The following VLDLR variants were observed in gnomAD, a reference collection of about 807,000 sequenced individuals.
VLDLR encodes very low-density lipoprotein receptor.
A neutral mutation model predicts 112.7 loss-of-function variants in VLDLR; 81 were observed. The observed-to-expected ratio is 0.72, with a 90% CI of 0.60 to 0.86. The LOEUF (loss-of-function observed/expected upper bound fraction) is 0.86. Ranked by LOEUF, VLDLR falls within the 40% of genes least tolerant of loss-of-function variation. VLDLR has a pLI of 0.00. For missense variants in VLDLR, 1,237 were observed against 1,099.4 expected (o/e 1.13, Z -1.77); for synonymous variants, 436 against 384.8 (o/e 1.13, Z -1.56).
chr9:2,639,839 C>T lies in VLDLR; in HGVS notation c.203-20C>T. 3 of 1,614,048 alleles carry T rather than the reference C, an allele frequency of 1.9e-6. No homozygotes were observed. Among genetic ancestry groups the T allele is most frequent in the Non-Finnish European group, 2.5e-6 (3 of 1,179,982 alleles). ...TGGGTAAATGACTTCAACTTTAACC[C>T]TTCAAATAAACGTTTGTAGTAAAGA... On this transcript the variant is annotated intron_variant, in intron 2 of 18. Transcript: ENST00000382100.
intron 16 of VLDLR, 150 bp downstream of exon 16, chr9:2,651,648 T>A (rs1397378741): frequency 2.2e-6 from 2 of 902,726 alleles, no homozygotes; most frequent in African/African-American, 1.7e-5. Context: ...AACTTGCATA[T>A]CTTTTCCTGA....
chr9:2,653,960 CCTCT>C lies in VLDLR; in HGVS notation c.*94_*97del. 1 of 1,365,674 alleles carries C rather than the reference CCTCT, an allele frequency of 7.3e-7. No individual in the cohort carries two copies. Among genetic ancestry groups the C allele is most frequent in the Non-Finnish European group, 1.0e-6 (1 of 955,916 alleles). The allele number at this position is 1,365,674 out of a possible 1,614,324, so 84.6% of individuals were successfully genotyped here. ...CCAGCAGCTGAAGTCTCTTTTTCTT[CCTCT>C]CGGCTGGAAGAACATCAAGATACCT... On this transcript the variant is annotated 3_prime_UTR_variant, in exon 19 of 19. Transcript: ENST00000382100.
intron 7 of VLDLR, among the ~76,000 whole-genome samples, chr9:2,644,308 A>ATG (rs1226423965): frequency 6.9e-6 from 1 of 144,960 alleles, no homozygotes; most frequent in Non-Finnish European, 1.5e-5. Flanking sequence ...ATAGGCGCCC[A>ATG]CCACCACGCC....
At chr9:2,629,061 A>T (rs1161659174) in intron 1 of VLDLR, among the ~76,000 whole-genome samples, 1 of 152,242 alleles carries the variant, frequency 6.6e-6, no homozygotes, top group East Asian at 1.9e-4. Context: ...CATTAATTCA[A>T]TGTTAATTGA....
intron 17 of VLDLR, among the ~76,000 whole-genome samples, chr9:2,652,340 G>C (rs1818388324): frequency 6.6e-6 from 1 of 152,206 alleles, no homozygotes; most frequent in Non-Finnish European, 1.5e-5. Context: ...AGGACTTGTT[G>C]AGGATAAATT....
At chr9:2,641,705 C>G (rs1196945722) in intron 4 of VLDLR, among the ~76,000 whole-genome samples, 2 of 152,114 alleles carry the variant, frequency 1.3e-5, no homozygotes, top group Non-Finnish European at 2.9e-5. Context: ...CTTGGTGTTT[C>G]TTTTAGGCAA....
chr9:2,659,195 T>A lies in VLDLR; in HGVS notation c.*5327T>A, dbSNP rs10812407. The stretch of plus-strand genomic sequence containing the variant: ...ATCTCCATTTTACATAGGTAAAAAC[T>A]GAGGCTACAAACAATCTATGGTTCC... On this transcript the variant is annotated 3_prime_UTR_variant, in exon 19 of 19. Coordinates refer to ENST00000382100, the MANE Select transcript of VLDLR (RefSeq NM_003383.5). 1 of 152,028 alleles carries A rather than the reference T, an allele frequency of 6.6e-6. No individual in the cohort carries two copies. Among genetic ancestry groups the A allele is most frequent in the Non-Finnish European group, 1.5e-5 (1 of 68,004 alleles). The allele number at this position is 152,028 out of a possible 1,614,324, so 9.4% of individuals were successfully genotyped here. A position where few individuals can be genotyped will look rare whatever the true frequency, so the allele number is the denominator to read the frequency against.
intron 10 of VLDLR, among the ~76,000 whole-genome samples, chr9:2,645,973 T>A (rs1402227398): frequency 6.6e-6 from 1 of 152,162 alleles, no homozygotes; most frequent in Non-Finnish European, 1.5e-5. Flanking sequence ...ATTTTTTATA[T>A]TTTCTCCCTT....
At chr9:2,640,730 TAGAA>T (rs775786249) in intron 3 of VLDLR, among the ~76,000 whole-genome samples, 7 of 152,062 alleles carry the variant, frequency 4.6e-5, no homozygotes, top group Admixed American at 6.5e-5. Flanking sequence ...GAAAATCAAA[TAGAA>T]AGGAAGATAA....
intron 14 of VLDLR, among the ~76,000 whole-genome samples, chr9:2,649,625 A>G (rs995108403): frequency 2.0e-5 from 3 of 152,098 alleles, no homozygotes; most frequent in Non-Finnish European, 4.4e-5. Flanking sequence ...CTCCTGACCC[A>G]AAGTAATCTG....
chr9:2,646,304 T>C, intron 10 of VLDLR, 30 bp from the exon 11 acceptor site: 1 of 1,610,712 alleles, frequency 6.2e-7, no homozygotes, highest in Non-Finnish European at 8.5e-7. Context: ...TGTCAAACTC[T>C]TAAATTTCTT....
chr9:2,632,745 G>A (rs1817412061), intron 1 of VLDLR, among the ~76,000 whole-genome samples: 1 of 152,046 alleles, frequency 6.6e-6, no homozygotes, highest in Non-Finnish European at 1.5e-5. Flanking sequence ...TAAGGGCTGG[G>A]CATTCGATTT....
At chr9:2,633,023 T>C (rs1397189226) in intron 1 of VLDLR, among the ~76,000 whole-genome samples, 2 of 144,324 alleles carry the variant, frequency 1.4e-5, no homozygotes, top group East Asian at 4.0e-4. Flanking sequence ...CTGTTGCTAC[T>C]CCTTATTGGA....
In VLDLR at chr9:2,646,463, A is replaced by G. The variant is rs1228433230; in HGVS notation, c.1614A>G (p.Ser538=). 2 of 1,614,146 alleles carry G rather than the reference A, an allele frequency of 1.2e-6. No homozygotes were observed. The highest frequency in any genetic ancestry group is 3.3e-5 in the Admixed American group (2 of 60,008). Residue 538 remains serine (S), a synonymous_variant, in exon 11 of 19, where the codon TCA becomes TCG. Coordinates refer to ENST00000382100, the MANE Select transcript of VLDLR (RefSeq NM_003383.5). ...CTGATGCGGCTTCTAAGACTATTTCAGTAGCTACCCTAGATGGAACCAAGA... is the reference window on the plus strand; with the variant it reads ...CTGATGCGGCTTCTAAGACTATTTCGGTAGCTACCCTAGATGGAACCAAGA... ...YWTDAASKTI[S]VATLDGTKRK...
At chr9:2,627,157 G>A (rs772357229) in intron 1 of VLDLR, among the ~76,000 whole-genome samples, 10 of 152,300 alleles carry the variant, frequency 6.6e-5, no homozygotes, top group Non-Finnish European at 1.2e-4. Flanking sequence ...GAAGAGGAGT[G>A]AGCAGATCCA....
At position 2,646,415 on chromosome 9, in the gene VLDLR, G is replaced by T; in HGVS notation, c.1566G>T (p.Trp522Cys). Residue 522 changes from tryptophan to cysteine, a missense_variant, in exon 11 of 19, where the codon TGG (tryptophan) becomes TGT (cysteine). Trp to Cys is a radical substitution (Grantham distance 215). Coordinates refer to ENST00000382100, the MANE Select transcript of VLDLR (RefSeq NM_003383.5). Reference protein sequence around the residue: ...VYNPAAIAVDWVYKTIYWTDA... With the variant: ...VYNPAAIAVDCVYKTIYWTDA... The stretch of plus-strand genomic sequence containing the variant: ...ATCCTGCAGCCATTGCTGTTGATTG[G>T]GTGTACAAGACCATCTACTGGACTG... 1 of 1,614,106 alleles carries T rather than the reference G, an allele frequency of 6.2e-7. No homozygotes were observed. The highest frequency in any genetic ancestry group is 8.5e-7 in the Non-Finnish European group (1 of 1,180,012).
rs993182884 is a variant in VLDLR, at chr9:2,654,635, T to C, written c.*767T>C. ...ACCCTAGCACAGTTAAAAAATGAAG[T>C]ACTGTTTAACATTTGCTCCCGAAAT... On this transcript the variant is annotated 3_prime_UTR_variant, in exon 19 of 19. Coordinates refer to ENST00000382100, the MANE Select transcript of VLDLR (RefSeq NM_003383.5). 6.6e-6 allele frequency: 1 copy of C among 152,222 alleles called. No homozygotes were observed. The highest frequency in any genetic ancestry group is 1.5e-5 in the Non-Finnish European group (1 of 68,052). The allele number at this position is 152,222 out of a possible 1,614,324, so 9.4% of individuals were successfully genotyped here.
intron 14 of VLDLR, among the ~76,000 whole-genome samples, chr9:2,649,663 A>C (rs980155727): frequency 7.9e-5 from 12 of 152,180 alleles, no homozygotes; most frequent in Admixed American, 5.9e-4. Flanking sequence ...AAGTGCCGGA[A>C]TTACAGGCGT....
At position 2,651,511 on chromosome 9, in the gene VLDLR, G is replaced by C; in HGVS notation, c.2335+13G>C. On this transcript the variant is annotated intron_variant, in intron 16 of 18. Coordinates refer to ENST00000382100, the MANE Select transcript of VLDLR (RefSeq NM_003383.5). ...CTAGTTCCTGGAGGTATTGAGTTCAGTACTGCAAACTGTTAATCTCAACTA... is the reference window on the plus strand; with the variant it reads ...CTAGTTCCTGGAGGTATTGAGTTCACTACTGCAAACTGTTAATCTCAACTA... 1.2e-6 allele frequency: 2 copies of C among 1,605,930 alleles called. No homozygotes were observed. The highest frequency in any genetic ancestry group is 1.7e-6 in the Non-Finnish European group (2 of 1,172,952).
Sources: gnomAD v4.1 joint callset for allele counts (sites outside exome capture counted in the v4.1 genomes callset) on GRCh38, gnomAD v4.1.1 for gene constraint, MANE v1.5 for transcripts, NCBI Gene and HGNC (gene_info 2026-07-23, HGNC 2026-07-21) for gene names.